ECM2: variants seen among roughly 807,000 people sequenced by gnomAD.
ECM2 encodes extracellular matrix protein 2, female organ and adipocyte specific.
A neutral mutation model predicts 67.5 loss-of-function variants in ECM2; 57 were observed. The ratio of observed to expected loss-of-function variants is 0.84; its 90% CI spans 0.68 to 1.05. ECM2 has a LOEUF of 1.05. Ranked by LOEUF, ECM2 falls within the 50% of genes least tolerant of loss-of-function variation. ECM2 has a pLI of 0.00. For missense variants in ECM2, 741 were observed against 822.8 expected, an observed-to-expected ratio of 0.90 and a Z score of 1.22; for synonymous variants, 258 against 294.5, an observed-to-expected ratio of 0.88 and a Z score of 1.27.
chr9:92,496,777 T>G (rs1286427449), intron 9 of ECM2, among the ~76,000 whole-genome samples: 3 of 152,126 alleles, frequency 2.0e-5, no homozygotes, highest in African/African-American at 7.2e-5. Flanking sequence ...AAAAAGAAAG[T>G]GCAAAGTTAA....
chr9:92,558,685 C>T, the ECM2 span, among the ~76,000 whole-genome samples: 27 of 152,146 alleles, frequency 1.8e-4, no homozygotes, highest in South Asian at 5.0e-3. Context: ...CAGCAGTAGG[C>T]GGGGTCCTAG....
At chr9:92,518,014 G>C in intron 2 of ECM2, 139 bp from the exon 3 acceptor site, 1 of 1,004,280 alleles carries the variant, frequency 1.0e-6, no homozygotes, top group Non-Finnish European at 1.4e-6. Context: ...ATAGGGTAAA[G>C]ATGTCGTATA....
chr9:92,544,712 A>ATTTTTTTT, the ECM2 span, among the ~76,000 whole-genome samples: 2 of 132,422 alleles, frequency 1.5e-5, no homozygotes, highest in Non-Finnish European at 1.6e-5. Flanking sequence ...ATCACTATAA[A>ATTTTTTTT]TTTTTTTTTT....
rs1846314731 is a variant in ECM2, at chr9:92,495,780, A to G, written c.*535T>C. 1 of 950,622 alleles carries G rather than the reference A, an allele frequency of 1.1e-6. No homozygotes were observed. Among genetic ancestry groups the G allele is most frequent in the Admixed American group, 6.2e-5 (1 of 16,232 alleles). The allele number at this position is 950,622 out of a possible 1,614,324, so 58.9% of individuals were successfully genotyped here. A position where few individuals can be genotyped will look rare whatever the true frequency, so the allele number is the denominator to read the frequency against. Reference sequence around the variant, plus strand: ...TAATTTTACACATGTAATTAATGGAAGAAATGAAAGCTACCCCAATATTCA... The same window carrying G: ...TAATTTTACACATGTAATTAATGGAGGAAATGAAAGCTACCCCAATATTCA... On this transcript the variant is annotated 3_prime_UTR_variant, in exon 10 of 10. Transcript: ENST00000344604.
downstream of ECM2, chr9:92,494,129 A>G: frequency 6.3e-7 from 1 of 1,597,800 alleles, no homozygotes; most frequent in South Asian, 1.1e-5. Context: ...CACTGTCTCT[A>G]GAACAGCATC....
intron 2 of ECM2, among the ~76,000 whole-genome samples, chr9:92,518,807 T>G (rs1847885423): frequency 6.6e-6 from 1 of 152,160 alleles, no homozygotes; most frequent in South Asian, 2.1e-4. Context: ...AAGAATCGCT[T>G]GAACCCAGGA....
chr9:92,527,419 A>G (rs752258111), intron 1 of ECM2, among the ~76,000 whole-genome samples: 1 of 152,190 alleles, frequency 6.6e-6, no homozygotes, highest in Non-Finnish European at 1.5e-5. Flanking sequence ...GCTCTACCAT[A>G]TAGCCTAGGT....
At chr9:92,541,151 C>T (rs1240339846), upstream of ECM2, among the ~76,000 whole-genome samples, 2 of 151,830 alleles carry the variant, frequency 1.3e-5, no homozygotes, top group East Asian at 1.9e-4. Flanking sequence ...CCCAGCTACT[C>T]GGAAGGCTGA....
At chr9:92,540,770 C>CAAAA (rs34768785), upstream of ECM2, among the ~76,000 whole-genome samples, 1 of 142,080 alleles carries the variant, frequency 7.0e-6, no homozygotes, top group South Asian at 2.3e-4. Flanking sequence ...GACTCTGTCT[C>CAAAA]AAAAAAAAAA....
the ECM2 span, among the ~76,000 whole-genome samples, chr9:92,547,955 C>G: frequency 1.3e-5 from 2 of 151,818 alleles, no homozygotes; most frequent in Non-Finnish European, 1.5e-5. Flanking sequence ...CCTTCATTTT[C>G]TTATGGGAAA....
chr9:92,515,308 T>C, intron 3 of ECM2, 105 bp from the exon 4 acceptor site: 1 of 1,298,666 alleles, frequency 7.7e-7, no homozygotes, highest in Non-Finnish European at 9.8e-7. Flanking sequence ...CCTCCAAGTA[T>C]TTGAGTGCAA....
Position 92,502,652 on chromosome 9 carries a change from C to T in ECM2, c.1465G>A (p.Glu489Lys). ...ATTTGGTTATTTTCTAGGTATAATT[C>T]CTATAATTAAGAGAGAAGACTATTA... ...IPQGLPGSIE[E>K]LYLENNQIEE... The change falls in exon 8 of 10, where the codon GAA (glutamate) becomes AAA (lysine). Residue 489 changes from glutamate to lysine, a missense_variant and splice_region_variant. Coordinates refer to ENST00000344604, the MANE Select transcript of ECM2 (RefSeq NM_001393.4). 6.4e-7 allele frequency: 1 copy of T among 1,562,304 alleles called. No homozygotes were observed. The highest frequency in any genetic ancestry group is 8.8e-7 in the Non-Finnish European group (1 of 1,142,554).
chr9:92,531,550 G>A (rs1357484462), intron 1 of ECM2, among the ~76,000 whole-genome samples: 2 of 151,618 alleles, frequency 1.3e-5, no homozygotes, highest in Non-Finnish European at 2.9e-5. Context: ...TTTTTTATGG[G>A]GAGATGCCCT....
In ECM2 at chr9:92,523,540, A is replaced by C. The variant is rs572215877; in HGVS notation, c.-27-647T>G. Among the ~76,000 whole-genome samples the C allele has an allele frequency of 2.6e-5, 4 of 152,342 alleles. No homozygotes were observed. The East Asian group carries it at 7.7e-4, about 29-fold the overall frequency. ...GCACAATGGAGGCTGCAAAAGGCCC[A>C]GAGTTCTGGTCTCCACACGATTTAT... is the stretch of plus-strand genomic sequence containing the variant. On this transcript the variant is annotated intron_variant, in intron 1 of 9. Transcript: ENST00000344604.
chr9:92,535,985 G>A lies in ECM2; in HGVS notation c.-80C>T, dbSNP rs757366873. On this transcript the variant is annotated 5_prime_UTR_variant, in exon 1 of 10. Coordinates refer to ENST00000344604, the MANE Select transcript of ECM2 (RefSeq NM_001393.4). ...CTTGGTGTCATTTAAGTCTCCAGCT[G>A]AAAATGAAACAAAATCAGAGCTTTC... The A allele has an allele frequency of 7.8e-6, 4 of 512,562 alleles. No individual in the cohort carries two copies. Among genetic ancestry groups the A allele is most frequent in the African/African-American group, 5.8e-5 (3 of 51,718 alleles). The allele number at this position is 512,562 out of a possible 1,614,324, so 31.8% of individuals were successfully genotyped here.
At chr9:92,555,426 A>G in the ECM2 span, among the ~76,000 whole-genome samples, 10 of 151,402 alleles carry the variant, frequency 6.6e-5, no homozygotes, top group East Asian at 1.6e-3. Context: ...ACGGGATTTC[A>G]CCATGTTAGC....
At chr9:92,524,614 C>T in intron 1 of ECM2, among the ~76,000 whole-genome samples, 1 of 152,180 alleles carries the variant, frequency 6.6e-6, no homozygotes, top group East Asian at 1.9e-4. Context: ...CAGCTTTCCT[C>T]CTGCTCTTGC....
the ECM2 span, among the ~76,000 whole-genome samples, chr9:92,556,831 G>A: frequency 6.6e-6 from 1 of 152,006 alleles, no homozygotes; most frequent in Non-Finnish European, 1.5e-5. Context: ...GCCATTTACA[G>A]TTGCATCCAT....
chr9:92,553,793 G>T, the ECM2 span, among the ~76,000 whole-genome samples: 554 of 152,266 alleles, frequency 3.6e-3, 2 homozygotes, highest in South Asian at 9.1e-3. Flanking sequence ...TAAATTCTTT[G>T]ATCAGTTCTA....
Sources: allele counts gnomAD v4.1 joint callset (sites outside exome capture counted in the v4.1 genomes callset), GRCh38; gene constraint gnomAD v4.1.1; transcripts MANE v1.5; gene names NCBI Gene and HGNC (gene_info 2026-07-23, HGNC 2026-07-21).